The following DNAJC10 variants were observed in gnomAD, a reference collection of about 807,000 sequenced individuals.
DNAJC10 encodes the protein DnaJ heat shock protein family (Hsp40) member C10.
In DNAJC10, 101 loss-of-function variants were observed where a neutral mutation model predicts 115.0. The ratio of observed to expected loss-of-function variants is 0.88; its 90% CI spans 0.75 to 1.04. The LOEUF (loss-of-function observed/expected upper bound fraction) is 1.04. Ranked by LOEUF, DNAJC10 falls within the 50% of genes least tolerant of loss-of-function variation. The pLI is 0.00. For synonymous variants in DNAJC10, 307 were observed against 301.5 expected, an observed-to-expected ratio of 1.02 and a Z score of -0.19; for missense variants, 981 against 928.8, an observed-to-expected ratio of 1.06 and a Z score of -0.73.
chr2:182,729,090 T>C, intron 7 of DNAJC10, 96 bp downstream of exon 7: 1 of 1,289,678 alleles, frequency 7.8e-7, no homozygotes. Flanking sequence ...CAGAACATTT[T>C]AAGTCTTGTT....
Position 182,791,756 on chromosome 2 carries a change from C to T in DNAJC10, c.*14624C>T, listed in dbSNP as rs193084259. 235 of 152,196 alleles carry T rather than the reference C, an allele frequency of 1.5e-3. No individual in the cohort carries two copies. Among genetic ancestry groups the T allele is most frequent in the African/African-American group, 5.0e-3 (209 of 41,540 alleles). 9.4% of individuals were successfully genotyped at this position (152,196 alleles called of 1,614,324 possible). ...TAATGTGGATAAGACACCTCAAAAA[C>T]AGGAGTTTAGTCATTTCAGTCACAT... is the stretch of plus-strand genomic sequence containing the variant. On this transcript the variant is annotated 3_prime_UTR_variant, in exon 24 of 24. Coordinates refer to ENST00000264065, the MANE Select transcript of DNAJC10 (RefSeq NM_018981.4).
intron 10 of DNAJC10, 26 bp downstream of exon 10, chr2:182,732,568 T>A: frequency 1.2e-6 from 2 of 1,605,772 alleles, no homozygotes; most frequent in African/African-American, 1.3e-5. Context: ...TTTGTAAAAC[T>A]ATATCACCAT....
intron 14 of DNAJC10, among the ~76,000 whole-genome samples, chr2:182,745,515 C>G (rs1305836170): frequency 3.3e-5 from 5 of 152,182 alleles, no homozygotes; most frequent in African/African-American, 4.8e-5. Context: ...TGTGCTCTTA[C>G]TAACTTTGTA....
intron 22 of DNAJC10, among the ~76,000 whole-genome samples, chr2:182,763,626 C>T (rs780660362): frequency 1.1e-4 from 17 of 152,110 alleles, no homozygotes; most frequent in Non-Finnish European, 2.2e-4. Context: ...GTCCTGTTTT[C>T]GGGATCAAGG....
intron 16 of DNAJC10, among the ~76,000 whole-genome samples, chr2:182,753,126 A>G (rs1369982139): frequency 6.6e-6 from 1 of 152,184 alleles, no homozygotes; most frequent in African/African-American, 2.4e-5. Context: ...GGATGAAATT[A>G]TAGATCATCT....
intron 14 of DNAJC10, among the ~76,000 whole-genome samples, chr2:182,750,670 T>C (rs1172336154): frequency 2.0e-5 from 3 of 152,214 alleles, no homozygotes; most frequent in African/African-American, 4.8e-5. Flanking sequence ...CTATTGCTCT[T>C]AGGCTACATC....
chr2:182,738,588 T>C (rs1036740578), intron 11 of DNAJC10, among the ~76,000 whole-genome samples: 2 of 151,918 alleles, frequency 1.3e-5, no homozygotes, highest in Non-Finnish European at 2.9e-5. Flanking sequence ...TCGCCCAGGC[T>C]GGAGTGCAGT....
intron 2 of DNAJC10, 47 bp downstream of exon 2, chr2:182,717,119 CAG>C (rs896949236): frequency 6.6e-6 from 1 of 152,198 alleles, no homozygotes; most frequent in Non-Finnish European, 1.5e-5. Context: ...AAATGAAAAA[CAG>C]AAATGAGGTG....
chr2:182,731,159 T>C, intron 9 of DNAJC10, 52 bp downstream of exon 9: 1 of 1,404,268 alleles, frequency 7.1e-7, no homozygotes, highest in Non-Finnish European at 1.0e-6. Context: ...TTTAAATTTT[T>C]GGTGACAGTT....
chr2:182,761,945 G>A (rs1193837558), intron 21 of DNAJC10, among the ~76,000 whole-genome samples: 1 of 152,032 alleles, frequency 6.6e-6, no homozygotes, highest in African/African-American at 2.4e-5. Context: ...AGCCAAGAGA[G>A]AGTAGTGATA....
chr2:182,775,196 T>G (rs761355809), intron 22 of DNAJC10, 120 bp from the exon 23 acceptor site: 2 of 671,730 alleles, frequency 3.0e-6, no homozygotes, highest in Non-Finnish European at 5.1e-6. Flanking sequence ...TAAATTTGAA[T>G]TTCAAACACT....
At chr2:182,723,691 G>T (rs1180270552) in intron 5 of DNAJC10, among the ~76,000 whole-genome samples, 1 of 152,164 alleles carries the variant, frequency 6.6e-6, no homozygotes, top group Admixed American at 6.5e-5. Context: ...ATTACAGATA[G>T]AGGAACTGAA....
intron 22 of DNAJC10, among the ~76,000 whole-genome samples, chr2:182,767,680 G>C (rs1300381362): frequency 6.6e-6 from 1 of 152,014 alleles, no homozygotes. Flanking sequence ...AGGGGGTGGG[G>C]GGCAGCTCTT....
intron 11 of DNAJC10, among the ~76,000 whole-genome samples, chr2:182,738,104 C>A (rs1423431561): frequency 3.3e-5 from 5 of 151,960 alleles, no homozygotes; most frequent in Non-Finnish European, 5.9e-5. Context: ...AATTAATGAT[C>A]CCTGGATGGT....
chr2:182,740,691 T>G (rs1290675184), intron 12 of DNAJC10, among the ~76,000 whole-genome samples: 1 of 152,202 alleles, frequency 6.6e-6, no homozygotes, highest in Non-Finnish European at 1.5e-5. Context: ...CTTTTTGTTC[T>G]TGCTTACAGA....
chr2:182,760,784 G>C (rs1694267694), intron 21 of DNAJC10, among the ~76,000 whole-genome samples: 1 of 152,092 alleles, frequency 6.6e-6, no homozygotes, highest in Non-Finnish European at 1.5e-5. Flanking sequence ...CAGGCCATGG[G>C]AATTTTTTAG....
chr2:182,776,979 T>C, intron 23 of DNAJC10, 142 bp from the exon 24 acceptor site: 1 of 490,444 alleles, frequency 2.0e-6, no homozygotes, highest in Non-Finnish European at 3.5e-6. Flanking sequence ...TGGCAAAGTA[T>C]ATTTCATGTC....
chr2:182,734,087 A>AT (rs56088505), intron 10 of DNAJC10, among the ~76,000 whole-genome samples: 95,132 of 142,630 alleles, frequency 0.67, 32,098 homozygotes, highest in African/African-American at 0.79. Context: ...AGCTTTATTG[A>AT]TTTTTTTTTT....
intron 10 of DNAJC10, among the ~76,000 whole-genome samples, chr2:182,733,894 T>TA (rs1257071650): frequency 6.6e-6 from 1 of 151,548 alleles, no homozygotes; most frequent in East Asian, 1.9e-4. Context: ...AGCAAATGTG[T>TA]AAATGTATTG....
Sources: allele counts gnomAD v4.1 joint callset (sites outside exome capture counted in the v4.1 genomes callset), GRCh38; gene constraint gnomAD v4.1.1; transcripts MANE v1.5; gene names NCBI Gene and HGNC (gene_info 2026-07-23, HGNC 2026-07-21).